The following NBEA variants were observed in gnomAD, a reference collection of about 807,000 sequenced individuals.
The protein encoded by NBEA is lysosomal-trafficking regulator 2.
A neutral mutation model predicts 343.4 loss-of-function variants in NBEA; 44 were observed. That is an observed-to-expected ratio of 0.13 (90% CI 0.10 to 0.16). The LOEUF (loss-of-function observed/expected upper bound fraction) is 0.16, where lower values mean the gene tolerates loss of function less well. Among genes scored for constraint, NBEA ranks in the 10% least tolerant of loss-of-function variants. The probability of loss-of-function intolerance (pLI) is 1.00; values close to 1 mark genes in which losing one functional copy is unlikely to be tolerated. For missense variants in NBEA, 2,555 were observed against 3,631.3 expected (o/e 0.70, Z 7.62); for synonymous variants, 1,175 against 1,238.7 (o/e 0.95, Z 1.08).
At chr13:35,095,394 G>A (rs768223154) in intron 10 of NBEA, among the ~76,000 whole-genome samples, 1 of 151,276 alleles carries the variant, frequency 6.6e-6, no homozygotes, top group Non-Finnish European at 1.5e-5. Context: ...GGCCAAGACT[G>A]TTGTGGTATT....
intron 38 of NBEA, among the ~76,000 whole-genome samples, chr13:35,368,500 C>T (rs1176459848): frequency 2.0e-5 from 3 of 151,522 alleles, no homozygotes; most frequent in African/African-American, 7.3e-5. Context: ...TGAGATCATG[C>T]CAATAAAATA....
chr13:35,441,494 G>A (rs2045735181), intron 39 of NBEA, among the ~76,000 whole-genome samples: 2 of 152,010 alleles, frequency 1.3e-5, no homozygotes, highest in African/African-American at 4.8e-5. Context: ...ATATGTTTGG[G>A]ATATGCCATA....
At chr13:35,296,667 T>C (rs1456935789) in intron 35 of NBEA, among the ~76,000 whole-genome samples, 1 of 152,056 alleles carries the variant, frequency 6.6e-6, no homozygotes. Flanking sequence ...TATTTTTCTT[T>C]AATCTTTATT....
chr13:35,360,932 T>G (rs2040772699), intron 38 of NBEA, among the ~76,000 whole-genome samples: 1 of 151,970 alleles, frequency 6.6e-6, no homozygotes, highest in South Asian at 2.1e-4. Flanking sequence ...ACAGAAACAT[T>G]ATTTACAGAA....
chr13:35,079,236 A>G (rs555854196), intron 10 of NBEA, among the ~76,000 whole-genome samples: 52 of 152,276 alleles, frequency 3.4e-4, no homozygotes, highest in African/African-American at 1.1e-3. Context: ...GGGGGAAAAA[A>G]CAAAGAATGT....
At position 35,196,057 on chromosome 13, in the gene NBEA, G is replaced by A; in HGVS notation, c.5121G>A (p.Leu1707=). 1 of 1,613,626 alleles carries A rather than the reference G, an allele frequency of 6.2e-7. No homozygotes were observed. The highest frequency in any genetic ancestry group is 1.3e-5 in the African/African-American group (1 of 75,024). The part of the protein sequence containing the change: ...PDAMSELLST[L]SSEVKKSQES... ...CCATGAGTGAACTCTTATCCACTTTGTCATCCGAAGTGAAGAAATCACAAG... is the reference window on the plus strand; with the variant it reads ...CCATGAGTGAACTCTTATCCACTTTATCATCCGAAGTGAAGAAATCACAAG... The change falls in exon 31 of 59, where the codon TTG becomes TTA. Residue 1707 remains leucine, a synonymous_variant. Coordinates refer to ENST00000379939, the MANE Select transcript of NBEA (RefSeq NM_001385012.1).
At chr13:35,521,934 A>G (rs2077734851) in intron 41 of NBEA, among the ~76,000 whole-genome samples, 1 of 152,148 alleles carries the variant, frequency 6.6e-6, no homozygotes, top group Admixed American at 6.5e-5. Context: ...AGAATGCGCA[A>G]CCCAGTTTGG....
chr13:35,210,553 C>G (rs1262985069), intron 32 of NBEA, among the ~76,000 whole-genome samples: 1 of 152,084 alleles, frequency 6.6e-6, no homozygotes, highest in Non-Finnish European at 1.5e-5. Flanking sequence ...AGGGAAGACT[C>G]ATTATTTTAA....
chr13:35,464,355 G>A (rs1041171502), intron 40 of NBEA, among the ~76,000 whole-genome samples: 4 of 152,160 alleles, frequency 2.6e-5, no homozygotes, highest in African/African-American at 9.7e-5. Context: ...CTACAACTGT[G>A]TTTTTGTCCA....
chr13:35,232,904 C>T (rs866879946), intron 34 of NBEA, among the ~76,000 whole-genome samples: 10 of 152,002 alleles, frequency 6.6e-5, no homozygotes, highest in Non-Finnish European at 1.5e-4. Context: ...GATGTATATC[C>T]TGTCATTAAG....
At chr13:35,461,561 G>A (rs1019979180) in intron 40 of NBEA, among the ~76,000 whole-genome samples, 3 of 152,138 alleles carry the variant, frequency 2.0e-5, no homozygotes, top group African/African-American at 7.2e-5. Context: ...GGGTCATCTT[G>A]TTAGATCACA....
intron 41 of NBEA, chr13:35,476,050 G>C (rs1386613687): frequency 7.4e-6 from 12 of 1,614,186 alleles, no homozygotes; most frequent in Non-Finnish European, 1.0e-5. Flanking sequence ...TTCCCGGATA[G>C]TTTTGGCAAT....
At chr13:35,501,342 T>G (rs1170600711) in intron 41 of NBEA, among the ~76,000 whole-genome samples, 1 of 152,064 alleles carries the variant, frequency 6.6e-6, no homozygotes, top group Non-Finnish European at 1.5e-5. Context: ...TTTAGTGGAG[T>G]CTCTATTGTG....
At chr13:35,257,307 C>CTAATT (rs2152794595) in intron 34 of NBEA, among the ~76,000 whole-genome samples, 1 of 152,270 alleles carries the variant, frequency 6.6e-6, no homozygotes, top group Non-Finnish European at 1.5e-5. Context: ...TGGATGCTAA[C>CTAATT]TGTTCTGAAT....
chr13:35,045,845 A>T (rs2062832395), intron 4 of NBEA, among the ~76,000 whole-genome samples: 1 of 152,048 alleles, frequency 6.6e-6, no homozygotes, highest in Admixed American at 6.6e-5. Flanking sequence ...CTCCTGCCTC[A>T]GCCTCCCAAG....
intron 45 of NBEA, among the ~76,000 whole-genome samples, chr13:35,572,308 T>C (rs2080473071): frequency 1.3e-5 from 2 of 152,190 alleles, no homozygotes; most frequent in African/African-American, 4.8e-5. Flanking sequence ...CAGTCTCTGC[T>C]CATTAAAGTG....
At chr13:35,029,660 A>G (rs2062135871) in intron 1 of NBEA, among the ~76,000 whole-genome samples, 1 of 151,666 alleles carries the variant, frequency 6.6e-6, no homozygotes, top group Admixed American at 6.6e-5. Flanking sequence ...GATCCTAATA[A>G]TCTAAGATTT....
At chr13:35,501,249 A>G (rs1048685637) in intron 41 of NBEA, among the ~76,000 whole-genome samples, 2 of 152,120 alleles carry the variant, frequency 1.3e-5, no homozygotes, top group African/African-American at 4.8e-5. Flanking sequence ...CTTCTGTACA[A>G]TATGGTTTAA....
intron 34 of NBEA, among the ~76,000 whole-genome samples, chr13:35,268,506 T>C (rs2033870092): frequency 6.6e-6 from 1 of 152,070 alleles, no homozygotes; most frequent in Non-Finnish European, 1.5e-5. Flanking sequence ...GTAAATTTTA[T>C]GTTTTATGTC....
Sources: gnomAD v4.1 joint callset for allele counts (sites outside exome capture counted in the v4.1 genomes callset) on GRCh38, gnomAD v4.1.1 for gene constraint, MANE v1.5 for transcripts, NCBI Gene and HGNC (gene_info 2026-07-23, HGNC 2026-07-21) for gene names.